SDK1: variants seen among roughly 807,000 people sequenced by gnomAD.
SDK1 encodes the protein sidekick cell adhesion molecule 1, also known as protein sidekick-1.
A neutral mutation model predicts 245.5 loss-of-function variants in SDK1; 157 were observed. That is an observed-to-expected ratio of 0.64 (90% CI 0.56 to 0.73). SDK1 has a LOEUF of 0.73. Among genes scored for constraint, SDK1 ranks in the 30% least tolerant of loss-of-function variants. The probability of loss-of-function intolerance (pLI) is 0.00; values close to 1 mark genes in which losing one functional copy is unlikely to be tolerated. For synonymous variants in SDK1, 1,647 were observed against 1,278.5 expected (o/e 1.29, Z -6.15); for missense variants, 3,583 against 3,002.3 (o/e 1.19, Z -4.52).
intron 1 of SDK1, among the ~76,000 whole-genome samples, chr7:3,504,778 A>AC (rs1384088800): frequency 4.2e-4 from 58 of 137,630 alleles, no homozygotes; most frequent in African/African-American, 1.8e-3. Flanking sequence ...AAACAACAGA[A>AC]GGAAAAAAAA....
chr7:3,637,053 CAGAGAGAGAG>C (rs10577617), intron 2 of SDK1, among the ~76,000 whole-genome samples: 2 of 148,654 alleles, frequency 1.3e-5, no homozygotes, highest in Admixed American at 6.7e-5. Flanking sequence ...TTTCCTGATG[CAGAGAGAGAG>C]AGAGAGAGAG....
intron 14 of SDK1, among the ~76,000 whole-genome samples, chr7:3,993,727 C>G (rs1164339303): frequency 6.6e-6 from 1 of 152,098 alleles, no homozygotes; most frequent in African/African-American, 2.4e-5. Flanking sequence ...TCTTTATTTC[C>G]TCTCTGTGTT....
intron 1 of SDK1, among the ~76,000 whole-genome samples, chr7:3,346,664 T>G (rs1432930276): frequency 1.1e-5 from 1 of 94,682 alleles, no homozygotes; most frequent in African/African-American, 5.7e-5. Context: ...CTAATTTAGT[T>G]TCTTTTTTTT....
At chr7:3,780,423 A>C (rs981111827) in intron 4 of SDK1, among the ~76,000 whole-genome samples, 1 of 152,254 alleles carries the variant, frequency 6.6e-6, no homozygotes, top group African/African-American at 2.4e-5. Flanking sequence ...CATGGTTACC[A>C]GCACATGGAT....
In SDK1 at chr7:3,425,836, T is replaced by TA. The variant is rs140086222; in HGVS notation, c.298+123953dup. On this transcript the variant is annotated intron_variant, in intron 1 of 44. Transcript: ENST00000404826. ...TGATGATCTTTTACCTACACTTCCT[T>TA]AGGAGACTTTCCCTCAGCAAGATGT... is the stretch of plus-strand genomic sequence containing the variant. Among the ~76,000 whole-genome samples the TA allele has an allele frequency of 4.6e-3, 700 of 152,240 alleles. 3 individuals carry two copies. Among genetic ancestry groups the TA allele is most frequent in the Middle Eastern group, 0.017 (5 of 294 alleles).
At position 4,198,970 on chromosome 7, in the gene SDK1, C is replaced by T. The variant is rs1030664293; in HGVS notation, c.5099-6909C>T. Among the ~76,000 whole-genome samples, 7 of 152,104 alleles carry T rather than the reference C, an allele frequency of 4.6e-5. No individual in the cohort carries two copies. The East Asian group carries it at 1.4e-3, about 29-fold the overall frequency. ...CTGAAATTACAGGCACGCACCACCA[C>T]GCCTGGCTAATTTTTGTGTTTTTAG... is the stretch of plus-strand genomic sequence containing the variant. On this transcript the variant is annotated intron_variant, in intron 35 of 44. Coordinates refer to ENST00000404826, the MANE Select transcript of SDK1 (RefSeq NM_152744.4).
intron 5 of SDK1, among the ~76,000 whole-genome samples, chr7:3,865,623 C>T (rs1182981527): frequency 6.6e-6 from 1 of 152,118 alleles, no homozygotes; most frequent in Non-Finnish European, 1.5e-5. Context: ...ATCCTCCCAC[C>T]TCAGCCCCTC....
intron 4 of SDK1, among the ~76,000 whole-genome samples, chr7:3,686,496 C>T (rs1784284768): frequency 6.6e-6 from 1 of 152,220 alleles, no homozygotes; most frequent in African/African-American, 2.4e-5. Flanking sequence ...TACAAGGACA[C>T]ATATGCCTGT....
At chr7:3,690,831 G>T (rs1201512991) in intron 4 of SDK1, among the ~76,000 whole-genome samples, 1 of 152,106 alleles carries the variant, frequency 6.6e-6, no homozygotes, top group African/African-American at 2.4e-5. Context: ...AAATTTAAAA[G>T]TAATACTTTG....
At chr7:3,651,428 A>G (rs556297490) in intron 4 of SDK1, among the ~76,000 whole-genome samples, 1 of 152,330 alleles carries the variant, frequency 6.6e-6, no homozygotes, top group Non-Finnish European at 1.5e-5. Context: ...TTTATTTGAA[A>G]AGTCAGTTGA....
chr7:3,507,724 C>T (rs770931094), intron 1 of SDK1, among the ~76,000 whole-genome samples: 1 of 152,176 alleles, frequency 6.6e-6, no homozygotes, highest in Non-Finnish European at 1.5e-5. Flanking sequence ...CTCCCTTTCT[C>T]CTGCATGGTC....
At chr7:3,550,939 A>G (rs955136782) in intron 1 of SDK1, among the ~76,000 whole-genome samples, 3 of 152,166 alleles carry the variant, frequency 2.0e-5, no homozygotes, top group African/African-American at 7.2e-5. Flanking sequence ...TCTTCTTATC[A>G]TTCTTGATTG....
At chr7:4,220,626 C>T (rs1190577755) in intron 39 of SDK1, among the ~76,000 whole-genome samples, 1 of 151,138 alleles carries the variant, frequency 6.6e-6, no homozygotes, top group Admixed American at 6.6e-5. Context: ...CATGTACCTT[C>T]CCACTTATCC....
chr7:4,071,726 G>A (rs1780269049), intron 20 of SDK1, among the ~76,000 whole-genome samples: 1 of 152,212 alleles, frequency 6.6e-6, no homozygotes, highest in Non-Finnish European at 1.5e-5. Context: ...AGACCCTTCA[G>A]GGACCAGTTC....
intron 4 of SDK1, among the ~76,000 whole-genome samples, chr7:3,806,130 T>C (rs917259434): frequency 1.3e-5 from 2 of 152,232 alleles, no homozygotes; most frequent in Non-Finnish European, 2.9e-5. Flanking sequence ...AACTTTCTCC[T>C]CTGCCAGTGA....
chr7:4,165,453 TTAG>T (rs755056886), intron 32 of SDK1, among the ~76,000 whole-genome samples: 8 of 152,320 alleles, frequency 5.3e-5, no homozygotes, highest in Admixed American at 2.0e-4. Flanking sequence ...TTGATTATTC[TTAG>T]TAGGACAGTC....
intron 5 of SDK1, among the ~76,000 whole-genome samples, chr7:3,861,393 T>C (rs1780688943): frequency 6.6e-6 from 1 of 152,222 alleles, no homozygotes. Flanking sequence ...TCTTCTTGCT[T>C]GATTGTTTTG....
chr7:3,564,224 GAATAAT>G (rs1179036571), intron 1 of SDK1, among the ~76,000 whole-genome samples: 2 of 152,080 alleles, frequency 1.3e-5, no homozygotes, highest in East Asian at 1.9e-4. Context: ...ATGAAATACA[GAATAAT>G]AATAATAACA....
At chr7:3,517,205 G>A (rs1252775673) in intron 1 of SDK1, among the ~76,000 whole-genome samples, 1 of 152,086 alleles carries the variant, frequency 6.6e-6, no homozygotes, top group African/African-American at 2.4e-5. Context: ...TGTATTATTA[G>A]GTTTATAAGA....
Sources: gnomAD v4.1 joint callset for allele counts (sites outside exome capture counted in the v4.1 genomes callset) on GRCh38, gnomAD v4.1.1 for gene constraint, MANE v1.5 for transcripts, NCBI Gene and HGNC (gene_info 2026-07-23, HGNC 2026-07-21) for gene names.